Variants in SGCZ observed in about 807,000 individuals in gnomAD.
SGCZ encodes the protein sarcoglycan zeta, also known as zeta-sarcoglycan.
SGCZ carries 40 observed loss-of-function variants against 41.3 expected under a neutral mutation model. The observed-to-expected ratio is 0.97, with a 90% CI of 0.75 to 1.26. SGCZ has a LOEUF of 1.26. Among genes scored for constraint, SGCZ ranks in the 50% most tolerant of loss-of-function variants. The pLI is 0.00. For synonymous variants in SGCZ, 206 were observed against 137.5 expected (o/e 1.50, Z -3.49); for missense variants, 552 against 369.8 (o/e 1.49, Z -4.04).
intron 1 of SGCZ, among the ~76,000 whole-genome samples, chr8:14,556,175 C>A (rs1804029193): frequency 6.6e-6 from 1 of 151,606 alleles, no homozygotes; most frequent in Non-Finnish European, 1.5e-5. Context: ...ATATTTATTA[C>A]CAGAAGGATG....
rs985160875 is a variant in SGCZ, at chr8:14,360,954, C to T, written c.235-36750G>A. On this transcript the variant is annotated intron_variant, in intron 2 of 7. Coordinates refer to ENST00000382080, the MANE Select transcript of SGCZ (RefSeq NM_139167.4). ...TTTCCGCAAGCTCAGCAGCATGTGA[C>T]GTTGCCACTATATTTTATATTAGCA... Among the ~76,000 whole-genome samples the T allele has an allele frequency of 2.6e-5, 4 of 152,128 alleles. No individual in the cohort carries two copies. The East Asian group carries it at 5.8e-4, about 22-fold the overall frequency.
intron 3 of SGCZ, among the ~76,000 whole-genome samples, chr8:14,305,269 A>G (rs1264848340): frequency 6.6e-6 from 1 of 152,202 alleles, no homozygotes; most frequent in Non-Finnish European, 1.5e-5. Context: ...GGTTAGCATG[A>G]CAGATGCCTT....
chr8:14,334,116 G>C (rs1160971311), intron 2 of SGCZ, among the ~76,000 whole-genome samples: 1 of 151,990 alleles, frequency 6.6e-6, no homozygotes, highest in Non-Finnish European at 1.5e-5. Context: ...ATCACCTCTT[G>C]ACTTGAACAA....
intron 1 of SGCZ, among the ~76,000 whole-genome samples, chr8:14,935,052 G>A (rs1234824936): frequency 6.7e-6 from 1 of 149,240 alleles, no homozygotes; most frequent in African/African-American, 2.5e-5. Flanking sequence ...TGAAAACTGA[G>A]ATGATTTCTA....
chr8:14,672,353 T>C (rs1424968901), intron 1 of SGCZ, among the ~76,000 whole-genome samples: 7 of 152,150 alleles, frequency 4.6e-5, no homozygotes, highest in African/African-American at 1.7e-4. Context: ...ATTTGCTGAT[T>C]GGTCAGATGT....
At chr8:14,744,085 G>T (rs1424330533) in intron 1 of SGCZ, among the ~76,000 whole-genome samples, 1 of 151,826 alleles carries the variant, frequency 6.6e-6, no homozygotes, top group Non-Finnish European at 1.5e-5. Flanking sequence ...GTTGGCAAGG[G>T]TTTCGTCTCT....
chr8:14,386,551 A>C (rs1316591777), intron 2 of SGCZ, among the ~76,000 whole-genome samples: 1 of 152,196 alleles, frequency 6.6e-6, no homozygotes, highest in East Asian at 1.9e-4. Flanking sequence ...CAGTTTTTAG[A>C]AATGTTTCAG....
chr8:14,410,293 G>C (rs1277723909), intron 2 of SGCZ, among the ~76,000 whole-genome samples: 1 of 151,900 alleles, frequency 6.6e-6, no homozygotes, highest in Non-Finnish European at 1.5e-5. Context: ...GTTGGGGACT[G>C]CTGAATTATA....
At chr8:14,896,651 AT>A (rs1805208960) in intron 1 of SGCZ, among the ~76,000 whole-genome samples, 1 of 150,976 alleles carries the variant, frequency 6.6e-6, no homozygotes, top group Non-Finnish European at 1.5e-5. Flanking sequence ...TAATTTCCGT[AT>A]TTTCAGGAGA....
At chr8:15,214,155 G>C (rs904693793) in intron 1 of SGCZ, among the ~76,000 whole-genome samples, 2 of 151,798 alleles carry the variant, frequency 1.3e-5, no homozygotes, top group African/African-American at 4.8e-5. Flanking sequence ...ATAATAATAA[G>C]TTAGGCACCA....
chr8:14,968,859 T>C (rs1801202081), intron 1 of SGCZ, among the ~76,000 whole-genome samples: 1 of 152,156 alleles, frequency 6.6e-6, no homozygotes, highest in South Asian at 2.1e-4. Flanking sequence ...TTATGAAGGT[T>C]TGAATAAATT....
Position 14,108,880 on chromosome 8 carries a change from C to T in SGCZ, c.548-645G>A, listed in dbSNP as rs11992141. ...TTAAAGAACAAAAGCTCATCTCTGT[C>T]CCCTGCCTTATTTTCCAGTTAAGTG... On this transcript the variant is annotated intron_variant, in intron 5 of 7. Coordinates refer to ENST00000382080, the MANE Select transcript of SGCZ (RefSeq NM_139167.4). 8.2e-3 allele frequency among the ~76,000 whole-genome samples: 1,245 copies of T among 152,316 alleles called. 17 individuals carry two copies. The highest frequency in any genetic ancestry group is 0.028 in the African/African-American group (1,158 of 41,570).
chr8:14,128,936 G>T (rs372295882), intron 5 of SGCZ, among the ~76,000 whole-genome samples: 18 of 152,104 alleles, frequency 1.2e-4, no homozygotes, highest in Non-Finnish European at 2.1e-4. Flanking sequence ...AAAAGTGGAC[G>T]GTGGAGAGGA....
At chr8:14,536,661 A>C (rs1364532861) in intron 2 of SGCZ, among the ~76,000 whole-genome samples, 1 of 151,900 alleles carries the variant, frequency 6.6e-6, no homozygotes, top group African/African-American at 2.4e-5. Flanking sequence ...AAGCACTTAA[A>C]CATAATTCCT....
chr8:14,413,435 A>G (rs1799414301), intron 2 of SGCZ, among the ~76,000 whole-genome samples: 1 of 151,956 alleles, frequency 6.6e-6, no homozygotes. Context: ...TTTGCAAGGA[A>G]AGAGTTCTTT....
At chr8:14,454,897 T>C (rs1195829101) in intron 2 of SGCZ, among the ~76,000 whole-genome samples, 1 of 152,182 alleles carries the variant, frequency 6.6e-6, no homozygotes, top group African/African-American at 2.4e-5. Context: ...ATTAGGCATA[T>C]ACATGTAAAA....
chr8:14,130,535 G>C (rs1223991373), intron 5 of SGCZ, among the ~76,000 whole-genome samples: 1 of 152,156 alleles, frequency 6.6e-6, no homozygotes, highest in African/African-American at 2.4e-5. Context: ...TGACTAGACT[G>C]CCTGAAGAAG....
At chr8:14,708,064 G>T (rs993970266) in intron 1 of SGCZ, among the ~76,000 whole-genome samples, 5 of 151,772 alleles carry the variant, frequency 3.3e-5, no homozygotes, top group African/African-American at 1.2e-4. Flanking sequence ...CAAATGTCCA[G>T]ATTTCTACAA....
chr8:14,404,318 A>C lies in SGCZ; in HGVS notation c.235-80114T>G, dbSNP rs564835633. ...TTATGCCAAATAAATTACTTAATAA[A>C]TGCCATGAATGTCCATTTTTATGAA... On this transcript the variant is annotated intron_variant, in intron 2 of 7. Coordinates refer to ENST00000382080, the MANE Select transcript of SGCZ (RefSeq NM_139167.4). Among the ~76,000 whole-genome samples, 3 of 152,306 alleles carry C rather than the reference A, an allele frequency of 2.0e-5. No individual in the cohort carries two copies. The South Asian group carries it at 6.2e-4, about 32-fold the overall frequency.
Sources: allele counts gnomAD v4.1 joint callset (sites outside exome capture counted in the v4.1 genomes callset), GRCh38; gene constraint gnomAD v4.1.1; transcripts MANE v1.5; gene names NCBI Gene and HGNC (gene_info 2026-07-23, HGNC 2026-07-21).